MMEL1: variants seen among roughly 807,000 people sequenced by gnomAD.
MMEL1 encodes membrane metalloendopeptidase like 1, also known as membrane metallo-endopeptidase-like 1.
Under a neutral mutation model 117.1 loss-of-function variants are expected in MMEL1, and 98 were observed. That is an observed-to-expected ratio of 0.84 (90% CI 0.71 to 0.99). The LOEUF is 0.99. Ranked by LOEUF, MMEL1 falls within the 50% of genes least tolerant of loss-of-function variation. The pLI is 0.00. For missense variants in MMEL1, 1,014 were observed against 1,049.1 expected, an observed-to-expected ratio of 0.97 and a Z score of 0.46; for synonymous variants, 390 against 415.1, an observed-to-expected ratio of 0.94 and a Z score of 0.74.
In MMEL1 at chr1:2,610,611, G is replaced by A. The variant is rs1215499451; in HGVS notation, c.292+670C>T. ...GGAGGGACGACTCTTACCACCATGG[G>A]GGTTTGTATTCTGCTAGAGGGGTTG... On this transcript the variant is annotated intron_variant, in intron 4 of 23. Coordinates refer to ENST00000378412, the MANE Select transcript of MMEL1 (RefSeq NM_033467.4). 2.6e-5 allele frequency among the ~76,000 whole-genome samples: 4 copies of A among 152,336 alleles called. No homozygotes were observed. The East Asian group carries it at 7.7e-4, about 29-fold the overall frequency.
intron 6 of MMEL1, 107 bp downstream of exon 6, chr1:2,609,232 C>T (rs1645085594): frequency 6.2e-6 from 7 of 1,123,054 alleles, no homozygotes; most frequent in South Asian, 1.4e-5. Context: ...AAGGCACCCA[C>T]TCCTACCCTA....
At chr1:2,628,975 G>A (rs1638403500) in intron 2 of MMEL1, among the ~76,000 whole-genome samples, 1 of 151,862 alleles carries the variant, frequency 6.6e-6, no homozygotes, top group Admixed American at 6.6e-5. Flanking sequence ...AGGCAGGGAG[G>A]GGGTGGGCGG....
intron 2 of MMEL1, among the ~76,000 whole-genome samples, chr1:2,622,473 A>G (rs1645304036): frequency 6.6e-6 from 1 of 152,240 alleles, no homozygotes; most frequent in Non-Finnish European, 1.5e-5. Flanking sequence ...AGAACTGCCC[A>G]AGATGTAAGA....
In MMEL1 at chr1:2,598,362, T is replaced by G. The variant is rs1031137955; in HGVS notation, c.1179-62A>C. Reference sequence around the variant, plus strand: ...TGAGAGGTCTTTGCAAGGGAGGAGATATGGCTTAGGGCCCTTGGCCAGCAC... The same window carrying G: ...TGAGAGGTCTTTGCAAGGGAGGAGAGATGGCTTAGGGCCCTTGGCCAGCAC... On this transcript the variant is annotated intron_variant, in intron 12 of 23. Coordinates refer to ENST00000378412, the MANE Select transcript of MMEL1 (RefSeq NM_033467.4). 93 of 1,536,368 alleles carry G rather than the reference T, an allele frequency of 6.1e-5. No homozygotes were observed. In the African/African-American group the frequency reaches 9.9e-4, roughly 16 times the overall value.
Position 2,603,421 on chromosome 1 carries a change from G to A in MMEL1, c.1041+463C>T, listed in dbSNP as rs763144145. ...CAGCCCCCACCTCAAAGCACAGGGCGGTGCCTGGCCTGGGCACTGGGCAGG... is the reference window on the plus strand; with the variant it reads ...CAGCCCCCACCTCAAAGCACAGGGCAGTGCCTGGCCTGGGCACTGGGCAGG... On this transcript the variant is annotated intron_variant, in intron 11 of 23. Transcript: ENST00000378412. 6.6e-5 allele frequency among the ~76,000 whole-genome samples: 10 copies of A among 152,198 alleles called. 1 individual carries two copies. In the South Asian group the frequency reaches 1.0e-3, roughly 16 times the overall value.
At chr1:2,622,876 T>C (rs1244956021) in intron 2 of MMEL1, among the ~76,000 whole-genome samples, 1 of 106,820 alleles carries the variant, frequency 9.4e-6, no homozygotes, top group Non-Finnish European at 1.7e-5. Flanking sequence ...AGAGTGAAAC[T>C]CTGTCTCAAA....
rs1295295316 is a variant in MMEL1, at chr1:2,595,908, G to C, written c.1500+101C>G. 2.1e-6 allele frequency: 2 copies of C among 958,220 alleles called. No homozygotes were observed. Among genetic ancestry groups the C allele is most frequent in the Admixed American group, 3.8e-5 (2 of 52,144 alleles). The allele number at this position is 958,220 out of a possible 1,614,324, so 59.4% of individuals were successfully genotyped here. ...TGGGGTCCTGTCTGCGCCTCCCGGG[G>C]CTGCCTTCTCCCCGTGGGGACCGTC... On this transcript the variant is annotated intron_variant, in intron 15 of 23. Transcript: ENST00000378412. The surrounding 1 kb of genome is among the most constrained non-coding windows in gnomAD (Gnocchi z 4.8).
At position 2,604,230 on chromosome 1, in the gene MMEL1, C is replaced by T; in HGVS notation, c.868G>A (p.Glu290Lys). The T allele has an allele frequency of 6.2e-7, 1 of 1,612,840 alleles. No homozygotes were observed. The highest frequency in any genetic ancestry group is 8.5e-7 in the Non-Finnish European group (1 of 1,179,936). Residue 290 changes from glutamate to lysine, a missense_variant, in exon 10 of 24, where the codon GAG becomes AAG. By Grantham distance (56) the Glu-to-Lys change is moderately conservative. Transcript: ENST00000378412. ...CTGTCCCTGGGCAGGTTTGCATCCT[C>T]CCGCAGCAACGTGGCCACTGACACC... ...FMVSVATLLREDANLPRDSCL... is the reference protein window; with the variant it reads ...FMVSVATLLRKDANLPRDSCL...
rs757519525 is a variant in MMEL1, at chr1:2,593,954, A to G, written c.1748-21T>C. The stretch of plus-strand genomic sequence containing the variant: ...GAATACTGTCCCCAAGGGCGGGACA[A>G]AGAATAAGCTGTGAGTGGACACATC... On this transcript the variant is annotated intron_variant, in intron 18 of 23. Transcript: ENST00000378412. 3.2e-6 allele frequency: 5 copies of G among 1,581,006 alleles called. No individual in the cohort carries two copies. The East Asian group carries it at 1.1e-4, about 36-fold the overall frequency.
chr1:2,608,022 G>A (rs1400729012), intron 6 of MMEL1, among the ~76,000 whole-genome samples: 5 of 152,092 alleles, frequency 3.3e-5, no homozygotes, highest in Admixed American at 2.6e-4. Flanking sequence ...GGCCCCTGCC[G>A]TTTGTATATT....
chr1:2,624,729 T>A (rs1159847930), intron 2 of MMEL1, among the ~76,000 whole-genome samples: 2 of 152,202 alleles, frequency 1.3e-5, no homozygotes, highest in Non-Finnish European at 1.5e-5. Flanking sequence ...ATGCTATTGA[T>A]CTCAGTCTCT....
Position 2,596,205 on chromosome 1 carries a change from G to A in MMEL1, c.1402-98C>T, listed in dbSNP as rs1000287885. On this transcript the variant is annotated intron_variant, in intron 14 of 23. Coordinates refer to ENST00000378412, the MANE Select transcript of MMEL1 (RefSeq NM_033467.4). ...GAGGTCTGGTCTGAGCCCCGCCGGG[G>A]CAAGGCCCAGGGCTGCCCAGCTGTG... is the stretch of plus-strand genomic sequence containing the variant. 41 of 1,176,048 alleles carry A rather than the reference G, an allele frequency of 3.5e-5. No homozygotes were observed. In the African/African-American group the frequency reaches 4.8e-4, roughly 14 times the overall value. 72.9% of individuals were successfully genotyped at this position (1,176,048 alleles called of 1,614,324 possible).
chr1:2,625,111 C>T (rs2100965096), intron 2 of MMEL1, among the ~76,000 whole-genome samples: 1 of 152,294 alleles, frequency 6.6e-6, no homozygotes, highest in South Asian at 2.1e-4. Flanking sequence ...GGTGGGGACG[C>T]AGAGCCAAAC....
chr1:2,609,382 A>AGCCG lies in MMEL1; in HGVS notation c.488_491dup (p.Val165GlyfsTer187), dbSNP rs1245943770. 1 of 1,612,134 alleles carries AGCCG rather than the reference A, an allele frequency of 6.2e-7. No homozygotes were observed. The highest frequency in any genetic ancestry group is 8.5e-7 in the Non-Finnish European group (1 of 1,179,522). On this transcript the variant is annotated frameshift_variant, in exon 6 of 24. Transcript: ENST00000378412. LOFTEE classifies it high-confidence loss of function. ...GGTACAGCGTCCTGGCCTTCTCCAC[A>AGCCG]GCCGGCCGGTCCTTGGCAGTCGAAT...
chr1:2,608,324 A>T (rs1645062609), intron 6 of MMEL1, among the ~76,000 whole-genome samples: 1 of 152,052 alleles, frequency 6.6e-6, no homozygotes, highest in Non-Finnish European at 1.5e-5. Context: ...GGGCCTGCAG[A>T]CCCCCAAGTG....
At chr1:2,629,666 C>A in intron 1 of MMEL1, 145 bp from the exon 2 acceptor site, 1 of 690,564 alleles carries the variant, frequency 1.4e-6, no homozygotes. Flanking sequence ...AGCTCACAAC[C>A]CTGGGTGACT....
intron 9 of MMEL1, 100 bp downstream of exon 9, chr1:2,605,458 A>G: frequency 1.9e-6 from 2 of 1,032,616 alleles, no homozygotes. Flanking sequence ...CACTAACACC[A>G]GCTTCGGGGA....
At chr1:2,599,684 C>A (rs1320249402) in intron 11 of MMEL1, among the ~76,000 whole-genome samples, 1 of 152,062 alleles carries the variant, frequency 6.6e-6, no homozygotes. Context: ...ATGGTGAAAC[C>A]CTGTGTCTAC....
At chr1:2,593,121 G>A (rs1297181340) in intron 19 of MMEL1, among the ~76,000 whole-genome samples, 155 bp from the exon 20 acceptor site, 2 of 152,174 alleles carry the variant, frequency 1.3e-5, no homozygotes, top group African/African-American at 4.8e-5. Flanking sequence ...GAAGAGCATC[G>A]CGGGCTCCAA....
Sources: allele counts gnomAD v4.1 joint callset (sites outside exome capture counted in the v4.1 genomes callset), GRCh38; gene constraint gnomAD v4.1.1; non-coding constraint Gnocchi (gnomAD v3.1); transcripts MANE v1.5; gene names NCBI Gene and HGNC (gene_info 2026-07-23, HGNC 2026-07-21).